Variants in PRR16 observed in about 807,000 individuals in gnomAD.
PRR16 encodes proline rich 16.
In PRR16, 6 loss-of-function variants were observed where a neutral mutation model predicts 18.2. The observed-to-expected ratio is 0.33, with a 90% CI of 0.18 to 0.65. The LOEUF (loss-of-function observed/expected upper bound fraction) is 0.65. PRR16 is among the 30% of genes least tolerant of loss of function. The pLI is 0.74. For missense variants in PRR16, 412 were observed against 376.6 expected (o/e 1.09, Z -0.78); for synonymous variants, 151 against 147.8 (o/e 1.02, Z -0.16).
the PRR16 span, among the ~76,000 whole-genome samples, chr5:120,752,161 G>T: frequency 1.3e-5 from 2 of 151,928 alleles, no homozygotes; most frequent in Non-Finnish European, 2.9e-5. Flanking sequence ...TAAAAAAACT[G>T]AATTCCAAAT....
chr5:120,632,189 A>G (rs1041240262), intron 1 of PRR16, among the ~76,000 whole-genome samples: 3 of 152,184 alleles, frequency 2.0e-5, no homozygotes, highest in African/African-American at 7.2e-5. Context: ...GAAGAGAGAG[A>G]ACACCACACC....
chr5:120,528,772 A>G (rs1202659580), intron 1 of PRR16, among the ~76,000 whole-genome samples: 1 of 152,198 alleles, frequency 6.6e-6, no homozygotes, highest in South Asian at 2.1e-4. Context: ...GCAGCTGTCT[A>G]GAGACGGTTG....
intron 1 of PRR16, among the ~76,000 whole-genome samples, chr5:120,521,834 A>T (rs1444778365): frequency 1.3e-5 from 2 of 151,650 alleles, no homozygotes; most frequent in Non-Finnish European, 2.9e-5. Flanking sequence ...CCCTTACCCC[A>T]CCATAGGCCC....
At chr5:120,491,328 C>T (rs541421030) in intron 1 of PRR16, among the ~76,000 whole-genome samples, 55 of 152,232 alleles carry the variant, frequency 3.6e-4, no homozygotes, top group African/African-American at 1.3e-3. Context: ...ATTGAAAGTG[C>T]ATTATAAATA....
intron 1 of PRR16, among the ~76,000 whole-genome samples, chr5:120,604,165 C>T (rs954754386): frequency 5.3e-5 from 8 of 151,596 alleles, no homozygotes; most frequent in African/African-American, 1.9e-4. Flanking sequence ...TTGAAGTCTC[C>T]CATGGTTATT....
At chr5:120,699,175 G>T in the PRR16 span, among the ~76,000 whole-genome samples, 4 of 152,050 alleles carry the variant, frequency 2.6e-5, no homozygotes, top group African/African-American at 9.7e-5. Context: ...TATCCCTGAG[G>T]AGTAGTAGAA....
intron 1 of PRR16, among the ~76,000 whole-genome samples, chr5:120,539,255 A>ATC (rs2112679757): frequency 1.3e-5 from 2 of 151,514 alleles, no homozygotes; most frequent in South Asian, 4.1e-4. Flanking sequence ...ATATTAGAAA[A>ATC]TAATATTTTT....
chr5:120,670,074 T>G (rs1447630134), intron 1 of PRR16, among the ~76,000 whole-genome samples: 1 of 152,142 alleles, frequency 6.6e-6, no homozygotes, highest in Non-Finnish European at 1.5e-5. Flanking sequence ...GTAGGCAAAT[T>G]TTATATTTGG....
At chr5:120,718,655 A>G in the PRR16 span, among the ~76,000 whole-genome samples, 1 of 152,112 alleles carries the variant, frequency 6.6e-6, no homozygotes, top group African/African-American at 2.4e-5. Context: ...CGTAGTTACA[A>G]TCCATGGTTT....
chr5:120,571,270 T>TC (rs1404515708), intron 1 of PRR16, among the ~76,000 whole-genome samples: 1 of 152,132 alleles, frequency 6.6e-6, no homozygotes, highest in Non-Finnish European at 1.5e-5. Flanking sequence ...TGCAGTGTGT[T>TC]TATGAGTGAG....
the PRR16 span, among the ~76,000 whole-genome samples, chr5:120,757,126 T>C: frequency 6.6e-6 from 1 of 152,204 alleles, no homozygotes; most frequent in East Asian, 1.9e-4. Flanking sequence ...ATCAGATGGC[T>C]GTGGGTTTGT....
At chr5:120,708,286 C>G in the PRR16 span, among the ~76,000 whole-genome samples, 1 of 152,072 alleles carries the variant, frequency 6.6e-6, no homozygotes, top group Non-Finnish European at 1.5e-5. Context: ...ACATGAAAGA[C>G]AAAAAGTTCC....
chr5:120,565,053 G>A (rs1014207147), intron 1 of PRR16, among the ~76,000 whole-genome samples: 1 of 151,476 alleles, frequency 6.6e-6, no homozygotes, highest in Non-Finnish European at 1.5e-5. Flanking sequence ...TTCTTGTGAT[G>A]GTGCTTTTCT....
intron 1 of PRR16, among the ~76,000 whole-genome samples, chr5:120,524,765 G>A (rs987620170): frequency 6.6e-6 from 1 of 151,996 alleles, no homozygotes; most frequent in African/African-American, 2.4e-5. Context: ...ATTATGCCTT[G>A]TATGCCTGTG....
At position 120,630,358 on chromosome 5, in the gene PRR16, C is replaced by T. The variant is rs75690292; in HGVS notation, c.160-55596C>T. ...TTGCTTGTTCTCTGGGCTGACTTTC[C>T]GGCACAGTGTACTGTTGTCTTATAC... On this transcript the variant is annotated intron_variant, in intron 1 of 1. Coordinates refer to ENST00000407149, the MANE Select transcript of PRR16 (RefSeq NM_001300783.2). Among the ~76,000 whole-genome samples the T allele has an allele frequency of 1.3e-3, 204 of 152,062 alleles. 1 individual carries two copies. The highest frequency in any genetic ancestry group is 4.5e-3 in the African/African-American group (185 of 41,530).
intron 1 of PRR16, among the ~76,000 whole-genome samples, chr5:120,655,915 GC>G (rs1755958890): frequency 6.6e-6 from 1 of 151,710 alleles, no homozygotes; most frequent in African/African-American, 2.4e-5. Flanking sequence ...ACAGGTTCCA[GC>G]CACCAGAAGA....
At position 120,653,123 on chromosome 5, in the gene PRR16, T is replaced by A. The variant is rs772154769; in HGVS notation, c.160-32831T>A. Among the ~76,000 whole-genome samples the A allele has an allele frequency of 2.0e-5, 3 of 151,920 alleles. No homozygotes were observed. The South Asian group carries it at 6.2e-4, about 31-fold the overall frequency. On this transcript the variant is annotated intron_variant, in intron 1 of 1. Transcript: ENST00000407149. ...TGCTATTATAAATCAAGAAAAATGG[T>A]TTCACTTGGGAGAGGAAAGTGACTG...
the PRR16 span, among the ~76,000 whole-genome samples, chr5:120,729,818 C>T: frequency 1.3e-5 from 2 of 152,038 alleles, no homozygotes; most frequent in Non-Finnish European, 2.9e-5. Flanking sequence ...TTTGATCTTG[C>T]TGGGCTGTGA....
At position 120,604,007 on chromosome 5, in the gene PRR16, G is replaced by T. The variant is rs1398261011; in HGVS notation, c.160-81947G>T. On this transcript the variant is annotated intron_variant, in intron 1 of 1. Transcript: ENST00000407149. ...AATCTTAGAGTATATGTCATCTGAAGATAAGAAGAATGTATAATCTGTTGT... is the reference window on the plus strand; with the variant it reads ...AATCTTAGAGTATATGTCATCTGAATATAAGAAGAATGTATAATCTGTTGT... Among the ~76,000 whole-genome samples the T allele has an allele frequency of 2.0e-5, 3 of 152,022 alleles. No individual in the cohort carries two copies. The East Asian group carries it at 5.8e-4, about 29-fold the overall frequency.
Sources: allele counts gnomAD v4.1 joint callset (sites outside exome capture counted in the v4.1 genomes callset), GRCh38; gene constraint gnomAD v4.1.1; transcripts MANE v1.5; gene names NCBI Gene and HGNC (gene_info 2026-07-23, HGNC 2026-07-21).